Variants in CSMD1 observed in about 807,000 individuals in gnomAD.
CSMD1 encodes CUB and sushi domain-containing protein 1.
CSMD1 carries 213 observed loss-of-function variants against 417.5 expected under a neutral mutation model. That is an observed-to-expected ratio of 0.51 (90% CI 0.46 to 0.57). CSMD1 has a LOEUF of 0.57. Ranked by LOEUF, CSMD1 falls within the 20% of genes least tolerant of loss-of-function variation. The pLI is 0.00. For synonymous variants in CSMD1, 2,862 were observed against 1,736.8 expected (o/e 1.65, Z -16.11); for missense variants, 6,923 against 4,529.7 (o/e 1.53, Z -15.17).
chr8:3,815,357 T>C (rs1009572555), intron 5 of CSMD1, among the ~76,000 whole-genome samples: 12 of 152,164 alleles, frequency 7.9e-5, no homozygotes, highest in African/African-American at 2.9e-4. Context: ...CATCAGGAGT[T>C]AGAGAACTGT....
intron 55 of CSMD1, among the ~76,000 whole-genome samples, chr8:2,977,231 G>A (rs1348803448): frequency 2.0e-5 from 3 of 152,136 alleles, no homozygotes; most frequent in East Asian, 1.9e-4. Context: ...AGCCCCATAT[G>A]CATTAGCTAT....
chr8:4,970,238 G>A (rs934620302), intron 1 of CSMD1, among the ~76,000 whole-genome samples: 1 of 152,052 alleles, frequency 6.6e-6, no homozygotes, highest in Non-Finnish European at 1.5e-5. Context: ...TTCACTTTGG[G>A]AGCTGAGTAA....
chr8:4,636,063 T>A (rs1429285831), intron 2 of CSMD1, among the ~76,000 whole-genome samples: 1 of 152,050 alleles, frequency 6.6e-6, no homozygotes, highest in Non-Finnish European at 1.5e-5. Flanking sequence ...TATATTGACA[T>A]ATTATAAACT....
intron 12 of CSMD1, among the ~76,000 whole-genome samples, chr8:3,438,684 T>C (rs1433975648): frequency 6.6e-6 from 1 of 152,216 alleles, no homozygotes. Flanking sequence ...CTTTGACTAT[T>C]ATGACTAAAG....
chr8:4,606,875 C>T (rs1380869673), intron 2 of CSMD1, among the ~76,000 whole-genome samples: 1 of 152,116 alleles, frequency 6.6e-6, no homozygotes, highest in Non-Finnish European at 1.5e-5. Flanking sequence ...ACAAAAATAA[C>T]TCAAACCGTG....
At chr8:4,456,465 A>G (rs971080898) in intron 2 of CSMD1, among the ~76,000 whole-genome samples, 2 of 152,220 alleles carry the variant, frequency 1.3e-5, no homozygotes, top group Non-Finnish European at 2.9e-5. Flanking sequence ...AACGAAAATC[A>G]CCAACAGACA....
At chr8:3,011,540 A>G (rs1419901595) in intron 52 of CSMD1, among the ~76,000 whole-genome samples, 1 of 152,230 alleles carries the variant, frequency 6.6e-6, no homozygotes, top group Non-Finnish European at 1.5e-5. Flanking sequence ...TAGCCACATA[A>G]ATAACCATTA....
intron 2 of CSMD1, among the ~76,000 whole-genome samples, chr8:4,626,663 C>T (rs369911299): frequency 6.6e-6 from 1 of 152,092 alleles, no homozygotes; most frequent in Non-Finnish European, 1.5e-5. Context: ...TGAGGAAGAG[C>T]TCTGCAGTGG....
chr8:3,387,359 A>T, intron 18 of CSMD1, 135 bp downstream of exon 18: 1 of 646,062 alleles, frequency 1.5e-6, no homozygotes, highest in Admixed American at 2.9e-5. Context: ...CGATGATGGT[A>T]TACAACTTCT....
chr8:3,650,561 C>A (rs1355191744), intron 7 of CSMD1, among the ~76,000 whole-genome samples: 3 of 152,122 alleles, frequency 2.0e-5, no homozygotes, highest in African/African-American at 7.2e-5. Context: ...TATGTTATTA[C>A]AGATTGTATA....
chr8:4,169,359 T>A (rs1290545280), intron 3 of CSMD1, among the ~76,000 whole-genome samples: 1 of 152,156 alleles, frequency 6.6e-6, no homozygotes, highest in Admixed American at 6.5e-5. Flanking sequence ...AAATGGCGAC[T>A]GCGTTTTCCA....
intron 3 of CSMD1, among the ~76,000 whole-genome samples, chr8:4,230,110 T>TAG (rs1801623451): frequency 6.6e-6 from 1 of 152,228 alleles, no homozygotes; most frequent in Non-Finnish European, 1.5e-5. Context: ...ATAAACCTTT[T>TAG]TCTAAGATTA....
chr8:3,002,009 G>C (rs1429187375), intron 52 of CSMD1, among the ~76,000 whole-genome samples: 3 of 152,174 alleles, frequency 2.0e-5, no homozygotes, highest in East Asian at 3.9e-4. Flanking sequence ...GCAGAGGAGA[G>C]AGACAGAAGA....
intron 5 of CSMD1, among the ~76,000 whole-genome samples, chr8:3,884,790 T>A (rs1044613335): frequency 1.3e-5 from 2 of 152,076 alleles, no homozygotes; most frequent in Non-Finnish European, 2.9e-5. Context: ...ACCTCTATTG[T>A]GTACCTTTTG....
At chr8:3,131,840 T>C (rs1817810035) in intron 41 of CSMD1, among the ~76,000 whole-genome samples, 1 of 152,186 alleles carries the variant, frequency 6.6e-6, no homozygotes, top group Non-Finnish European at 1.5e-5. Flanking sequence ...TAATTAAAGC[T>C]TAAGGGGAAA....
At chr8:4,693,116 G>A (rs976691897) in intron 1 of CSMD1, among the ~76,000 whole-genome samples, 1 of 152,162 alleles carries the variant, frequency 6.6e-6, no homozygotes, top group African/African-American at 2.4e-5. Flanking sequence ...GGGCCCACTG[G>A]AATCTTCTGA....
At chr8:3,118,852 C>T (rs933835027) in intron 41 of CSMD1, among the ~76,000 whole-genome samples, 3 of 152,096 alleles carry the variant, frequency 2.0e-5, no homozygotes, top group African/African-American at 7.2e-5. Flanking sequence ...ATAATGCTTA[C>T]CTTGGAAAAA....
At chr8:3,504,200 T>C (rs1266157347) in intron 10 of CSMD1, among the ~76,000 whole-genome samples, 2 of 152,152 alleles carry the variant, frequency 1.3e-5, no homozygotes, top group African/African-American at 4.8e-5. Context: ...AAACACTGCA[T>C]GTACCCCATA....
At chr8:3,801,469 T>A (rs1800457214) in intron 5 of CSMD1, among the ~76,000 whole-genome samples, 1 of 152,124 alleles carries the variant, frequency 6.6e-6, no homozygotes, top group Non-Finnish European at 1.5e-5. Flanking sequence ...GGACAGATGA[T>A]AATAGGCACT....
Sources: allele counts gnomAD v4.1 joint callset (sites outside exome capture counted in the v4.1 genomes callset), GRCh38; gene constraint gnomAD v4.1.1; transcripts MANE v1.5; gene names NCBI Gene and HGNC (gene_info 2026-07-23, HGNC 2026-07-21).